Variants in LIMCH1 observed in about 807,000 individuals in gnomAD.
LIMCH1 encodes the protein LIM and calponin homology domains 1.
Under a neutral mutation model 176.5 loss-of-function variants are expected in LIMCH1, and 113 were observed. That is an observed-to-expected ratio of 0.64 (90% CI 0.55 to 0.75). The LOEUF (loss-of-function observed/expected upper bound fraction) is 0.75, where lower values mean the gene tolerates loss of function less well. Ranked by LOEUF, LIMCH1 falls within the 30% of genes least tolerant of loss-of-function variation. The pLI is 0.00. For synonymous variants in LIMCH1, 619 were observed against 645.9 expected, an observed-to-expected ratio of 0.96 and a Z score of 0.63; for missense variants, 1,674 against 1,814.9, an observed-to-expected ratio of 0.92 and a Z score of 1.41.
At chr4:41,608,826 C>T (rs188964854) in intron 4 of LIMCH1, among the ~76,000 whole-genome samples, 6 of 152,222 alleles carry the variant, frequency 3.9e-5, no homozygotes, top group East Asian at 1.9e-4. Flanking sequence ...CCCATGGGGA[C>T]GAGGGTGGCC....
intron 2 of LIMCH1, among the ~76,000 whole-genome samples, chr4:41,521,474 T>C (rs2076111127): frequency 6.6e-6 from 1 of 152,190 alleles, no homozygotes; most frequent in African/African-American, 2.4e-5. Context: ...ATTTATATCT[T>C]AACTTATATA....
At chr4:41,651,197 G>C (rs547985862) in intron 18 of LIMCH1, among the ~76,000 whole-genome samples, 2 of 152,116 alleles carry the variant, frequency 1.3e-5, no homozygotes, top group South Asian at 4.2e-4. Flanking sequence ...GTAGAGACAG[G>C]TTTCACCATG....
At chr4:41,603,378 T>TA (rs1282226510) in intron 2 of LIMCH1, among the ~76,000 whole-genome samples, 5 of 152,244 alleles carry the variant, frequency 3.3e-5, no homozygotes, top group African/African-American at 1.2e-4. Context: ...TTCCCAGTGC[T>TA]AATTTATGTC....
At chr4:41,637,088 CTG>C (rs987979275) in intron 13 of LIMCH1, among the ~76,000 whole-genome samples, 7 of 152,346 alleles carry the variant, frequency 4.6e-5, no homozygotes, top group Admixed American at 3.9e-4. Flanking sequence ...TTAGAAAACA[CTG>C]TGTTTGAATA....
intron 1 of LIMCH1, among the ~76,000 whole-genome samples, chr4:41,573,386 C>G (rs1180362555): frequency 6.6e-6 from 1 of 152,018 alleles, no homozygotes; most frequent in East Asian, 1.9e-4. Flanking sequence ...CATAGCAGTC[C>G]ACTCAGAGAC....
chr4:41,502,683 G>C (rs1009789633), intron 2 of LIMCH1, among the ~76,000 whole-genome samples: 2 of 151,964 alleles, frequency 1.3e-5, no homozygotes, highest in African/African-American at 4.8e-5. Context: ...TTTCATACTG[G>C]TATAGAATTC....
intron 1 of LIMCH1, among the ~76,000 whole-genome samples, chr4:41,422,581 T>C (rs1442131984): frequency 1.3e-5 from 2 of 152,138 alleles, no homozygotes; most frequent in Non-Finnish European, 2.9e-5. Flanking sequence ...TTAGTAAAAA[T>C]GTAGACATTA....
In LIMCH1 at chr4:41,698,788, A is replaced by G. The variant is rs1167226856; in HGVS notation, c.*1603A>G. On this transcript the variant is annotated 3_prime_UTR_variant, in exon 32 of 32. Coordinates refer to ENST00000503057, the MANE Select transcript of LIMCH1 (RefSeq NM_001330672.2). Reference sequence around the variant, plus strand: ...CTCAGCCACTGGAGGGATTTCGACCATATTTGTCATTTGGATGAGCTGTTA... The same window carrying G: ...CTCAGCCACTGGAGGGATTTCGACCGTATTTGTCATTTGGATGAGCTGTTA... 2 of 152,632 alleles carry G rather than the reference A, an allele frequency of 1.3e-5. No individual in the cohort carries two copies. Among genetic ancestry groups the G allele is most frequent in the Non-Finnish European group, 2.9e-5 (2 of 68,034 alleles). The allele number at this position is 152,632 out of a possible 1,614,324, so 9.5% of individuals were successfully genotyped here.
chr4:41,699,505 G>C lies in LIMCH1; in HGVS notation c.*2320G>C, dbSNP rs1328518766. The C allele has an allele frequency of 6.6e-6, 1 of 151,686 alleles. No homozygotes were observed. Among genetic ancestry groups the C allele is most frequent in the Non-Finnish European group, 1.5e-5 (1 of 67,936 alleles). The allele number at this position is 151,686 out of a possible 1,614,324, so 9.4% of individuals were successfully genotyped here. On this transcript the variant is annotated 3_prime_UTR_variant, in exon 32 of 32. Transcript: ENST00000503057. ...TGGCAGCTTAGGCAGACTAGATCTT[G>C]TTTTTTCCAATGCAGCATAATGAGT...
At chr4:41,681,873 CA>C (rs1716243417) in intron 25 of LIMCH1, among the ~76,000 whole-genome samples, 2 of 152,048 alleles carry the variant, frequency 1.3e-5, no homozygotes, top group Non-Finnish European at 1.5e-5. Context: ...GCACTAAAAA[CA>C]AACAAAAATC....
At chr4:41,640,607 C>T (rs1246731614) in intron 14 of LIMCH1, among the ~76,000 whole-genome samples, 7 of 152,182 alleles carry the variant, frequency 4.6e-5, no homozygotes, top group African/African-American at 1.7e-4. Context: ...GCTGAGTTTC[C>T]TGCTTAGAGC....
intron 2 of LIMCH1, among the ~76,000 whole-genome samples, chr4:41,509,830 C>T (rs920012568): frequency 1.3e-5 from 2 of 152,190 alleles, no homozygotes; most frequent in Non-Finnish European, 2.9e-5. Flanking sequence ...TTGGCTCCTA[C>T]TCAAAAGAGG....
At chr4:41,432,400 C>A (rs74346531) in intron 1 of LIMCH1, among the ~76,000 whole-genome samples, 1 of 152,136 alleles carries the variant, frequency 6.6e-6, no homozygotes, top group South Asian at 2.1e-4. Context: ...TTACGTATAA[C>A]GTCAGATTCT....
chr4:41,689,478 A>G (rs1723646720), intron 29 of LIMCH1, 49 bp from the exon 30 acceptor site: 1 of 959,652 alleles, frequency 1.0e-6, no homozygotes, highest in Non-Finnish European at 1.7e-6. Flanking sequence ...GTGTTTGACC[A>G]GGTATTCTAA....
At chr4:41,683,407 C>G (rs1173007571) in intron 26 of LIMCH1, among the ~76,000 whole-genome samples, 1 of 152,154 alleles carries the variant, frequency 6.6e-6, no homozygotes, top group Non-Finnish European at 1.5e-5. Flanking sequence ...CACCCCATCC[C>G]TTACCTAGAA....
At chr4:41,388,818 T>C (rs2056842755) in intron 1 of LIMCH1, among the ~76,000 whole-genome samples, 1 of 152,152 alleles carries the variant, frequency 6.6e-6, no homozygotes, top group African/African-American at 2.4e-5. Context: ...AATTTTTATA[T>C]TTTTAATAGA....
rs2076239121 is a variant in LIMCH1, at chr4:41,522,673, A to G, written c.168-1736A>G. 2.0e-5 allele frequency among the ~76,000 whole-genome samples: 3 copies of G among 152,182 alleles called. No individual in the cohort carries two copies. The South Asian group carries it at 6.2e-4, about 32-fold the overall frequency. On this transcript the variant is annotated intron_variant, in intron 2 of 26. Coordinates refer to the LIMCH1 transcript ENST00000313860. ...TTAAACCAGAAGATTTGGGATATTT[A>G]CACCACCTGAGAGAATGCATTGATC...
At chr4:41,454,325 TTC>T (rs1056195228) in intron 1 of LIMCH1, among the ~76,000 whole-genome samples, 18 of 152,300 alleles carry the variant, frequency 1.2e-4, no homozygotes, top group African/African-American at 3.8e-4. Context: ...CTAAAATGAT[TTC>T]TGTTTCATTA....
At chr4:41,651,777 T>C (rs1049185732) in intron 18 of LIMCH1, among the ~76,000 whole-genome samples, 2 of 152,232 alleles carry the variant, frequency 1.3e-5, no homozygotes, top group South Asian at 2.1e-4. Flanking sequence ...TACTATTGAA[T>C]GGCAAAGCTA....
Sources: allele counts gnomAD v4.1 joint callset (sites outside exome capture counted in the v4.1 genomes callset), GRCh38; gene constraint gnomAD v4.1.1; transcripts MANE v1.5; gene names NCBI Gene and HGNC (gene_info 2026-07-23, HGNC 2026-07-21).